Variants in KCNN2 observed in about 807,000 individuals in gnomAD.
KCNN2 encodes the protein potassium calcium-activated channel subfamily N member 2.
Under a neutral mutation model 55.5 loss-of-function variants are expected in KCNN2, and 24 were observed. The ratio of observed to expected loss-of-function variants is 0.43; its 90% CI spans 0.31 to 0.61. The LOEUF (loss-of-function observed/expected upper bound fraction) is 0.61. KCNN2 is among the 20% of genes least tolerant of loss of function. KCNN2 has a pLI of 0.08. For synonymous variants in KCNN2, 431 were observed against 336.1 expected, an observed-to-expected ratio of 1.28 and a Z score of -3.09; for missense variants, 754 against 853.6, an observed-to-expected ratio of 0.88 and a Z score of 1.45.
chr5:114,091,645 G>T (rs1751146011), intron 1 of KCNN2, among the ~76,000 whole-genome samples: 1 of 152,146 alleles, frequency 6.6e-6, no homozygotes, highest in South Asian at 2.1e-4. Context: ...AAGGAAAGAG[G>T]ATTAATTGAT....
At chr5:114,328,434 C>T (rs1756750359) in intron 2 of KCNN2, among the ~76,000 whole-genome samples, 1 of 152,146 alleles carries the variant, frequency 6.6e-6, no homozygotes, top group Non-Finnish European at 1.5e-5. Flanking sequence ...CCCCCATCCC[C>T]ACTCATCTTC....
intron 1 of KCNN2, among the ~76,000 whole-genome samples, chr5:114,079,842 TGTGAGA>T (rs1261155359): frequency 1.2e-4 from 18 of 144,854 alleles, no homozygotes; most frequent in Non-Finnish European, 2.2e-4. Flanking sequence ...TGTGTGTGTG[TGTGAGA>T]GAGAGAGAGA....
chr5:114,459,182 G>A (rs1192119607), intron 3 of KCNN2, among the ~76,000 whole-genome samples: 1 of 152,234 alleles, frequency 6.6e-6, no homozygotes, highest in Admixed American at 6.5e-5. Context: ...TGATCTTACA[G>A]TCTTTGTCTC....
intron 2 of KCNN2, among the ~76,000 whole-genome samples, chr5:114,282,137 A>G (rs1755636964): frequency 6.6e-6 from 1 of 152,076 alleles, no homozygotes; most frequent in Admixed American, 6.6e-5. Flanking sequence ...ATCAGTCTCT[A>G]TCACTAGGTT....
chr5:114,244,604 G>T (rs1189799738), intron 2 of KCNN2, among the ~76,000 whole-genome samples: 1 of 151,736 alleles, frequency 6.6e-6, no homozygotes, highest in African/African-American at 2.4e-5. Context: ...GGGCGGGCAT[G>T]GGGGGTTATT....
chr5:114,200,363 T>C (rs1753649019), intron 1 of KCNN2, among the ~76,000 whole-genome samples: 1 of 151,398 alleles, frequency 6.6e-6, no homozygotes, highest in South Asian at 2.1e-4. Context: ...GCTTTTTTTT[T>C]TCTTTTCTCT....
chr5:114,192,612 T>G (rs1230853995), intron 1 of KCNN2, among the ~76,000 whole-genome samples: 1 of 152,096 alleles, frequency 6.6e-6, no homozygotes, highest in Admixed American at 6.6e-5. Context: ...AAGTATCATC[T>G]TCGGGAGTCC....
At position 114,487,109 on chromosome 5, in the gene KCNN2, G is replaced by A. The variant is rs1462120176; in HGVS notation, c.1950G>A (p.Lys650=). The A allele has an allele frequency of 1.2e-6, 2 of 1,612,928 alleles. No homozygotes were observed. Among genetic ancestry groups the A allele is most frequent in the Admixed American group, 1.7e-5 (1 of 59,952 alleles). ...CATGGCTAATTTACAAAAATACAAAGCTAGTGAAAAAGATAGATCATGCAA... is the reference window on the plus strand; with the variant it reads ...CATGGCTAATTTACAAAAATACAAAACTAGTGAAAAAGATAGATCATGCAA... The part of the protein sequence containing the change: ...RETWLIYKNT[K]LVKKIDHAKV... The change falls in exon 6 of 8, where the codon AAG becomes AAA. Residue 650 remains lysine (K), a synonymous_variant. Coordinates refer to ENST00000673685, the MANE Select transcript of KCNN2 (RefSeq NM_021614.4).
chr5:114,349,912 T>G (rs1179818263), intron 2 of KCNN2, among the ~76,000 whole-genome samples: 1 of 152,008 alleles, frequency 6.6e-6, no homozygotes, highest in African/African-American at 2.4e-5. Context: ...TGACAACACT[T>G]GCTATTATCT....
intron 1 of KCNN2, among the ~76,000 whole-genome samples, chr5:114,108,338 GT>G: frequency 6.6e-6 from 1 of 152,028 alleles, no homozygotes; most frequent in East Asian, 1.9e-4. Context: ...TATCTAAAGA[GT>G]TGAATTTATA....
chr5:114,392,185 A>T (rs1360225616), intron 2 of KCNN2, among the ~76,000 whole-genome samples: 1 of 152,196 alleles, frequency 6.6e-6, no homozygotes, highest in South Asian at 2.1e-4. Context: ...GTTGCCTACA[A>T]CATATGATAT....
chr5:114,221,897 G>C (rs1166922960), intron 2 of KCNN2, among the ~76,000 whole-genome samples: 2 of 152,090 alleles, frequency 1.3e-5, no homozygotes, highest in Non-Finnish European at 2.9e-5. Flanking sequence ...TGTAGTTTTA[G>C]CTCTACTTTT....
At chr5:114,436,805 CT>C (rs1244493423) in intron 3 of KCNN2, among the ~76,000 whole-genome samples, 11 of 152,192 alleles carry the variant, frequency 7.2e-5, no homozygotes, top group Admixed American at 7.2e-4. Context: ...TCCAATAGAA[CT>C]TTCTGCAGTG....
intron 2 of KCNN2, among the ~76,000 whole-genome samples, chr5:114,263,838 G>A (rs911374727): frequency 6.6e-6 from 1 of 152,098 alleles, no homozygotes; most frequent in South Asian, 2.1e-4. Flanking sequence ...TGAAAATTTA[G>A]GGAGTTCCCC....
chr5:114,421,378 C>T (rs778682382), intron 3 of KCNN2, among the ~76,000 whole-genome samples: 1 of 152,142 alleles, frequency 6.6e-6, no homozygotes, highest in African/African-American at 2.4e-5. Context: ...GCAACCACCA[C>T]CTCTTGGGTT....
Position 114,370,147 on chromosome 5 carries a change from T to C in KCNN2, c.1218+6146T>C, listed in dbSNP as rs1580757810. Among the ~76,000 whole-genome samples the C allele has an allele frequency of 3.9e-5, 6 of 152,258 alleles. No individual in the cohort carries two copies. The East Asian group carries it at 1.2e-3, about 29-fold the overall frequency. ...ACACATGGAGGGATCTTAATTATTA[T>C]TGGGCCCAGTATCCCACCCAGCATG... On this transcript the variant is annotated intron_variant, in intron 2 of 7. Coordinates refer to ENST00000673685, the MANE Select transcript of KCNN2 (RefSeq NM_021614.4).
rs558772605 is a variant in KCNN2, at chr5:114,274,804, C to G, written c.-185+53239C>G. On this transcript the variant is annotated intron_variant, in intron 2 of 10. Transcript: ENST00000512097. The stretch of plus-strand genomic sequence containing the variant: ...AAACAGAGACAATTTGACTTCCTCT[C>G]TTCCTATTTGAATACCCTTTATTGC... Among the ~76,000 whole-genome samples, 6 of 152,276 alleles carry G rather than the reference C, an allele frequency of 3.9e-5. No homozygotes were observed. In the East Asian group the frequency reaches 7.7e-4, roughly 20 times the overall value.
At chr5:114,438,778 TTTTCC>T (rs1302811886) in intron 3 of KCNN2, among the ~76,000 whole-genome samples, 1 of 152,142 alleles carries the variant, frequency 6.6e-6, no homozygotes, top group South Asian at 2.1e-4. Context: ...TTAAGTTCTA[TTTTCC>T]CCTATTTGCC....
intron 1 of KCNN2, among the ~76,000 whole-genome samples, chr5:114,069,233 G>A (rs79072163): frequency 2.0e-5 from 3 of 152,268 alleles, no homozygotes; most frequent in African/African-American, 7.2e-5. Flanking sequence ...GGAAGCGTTT[G>A]CCAGCTCACT....
Sources: gnomAD v4.1 joint callset for allele counts (sites outside exome capture counted in the v4.1 genomes callset) on GRCh38, gnomAD v4.1.1 for gene constraint, MANE v1.5 for transcripts, NCBI Gene and HGNC (gene_info 2026-07-23, HGNC 2026-07-21) for gene names.